Variants in PRKG1 observed in about 807,000 individuals in gnomAD.
PRKG1 encodes the protein protein kinase cGMP-dependent 1.
Under a neutral mutation model 88.1 loss-of-function variants are expected in PRKG1, and 35 were observed. The ratio of observed to expected loss-of-function variants is 0.40; its 90% CI spans 0.30 to 0.53. The LOEUF (loss-of-function observed/expected upper bound fraction) is 0.53, where lower values mean the gene tolerates loss of function less well. PRKG1 is among the 20% of genes least tolerant of loss of function. PRKG1 has a pLI of 0.59. For synonymous variants in PRKG1, 303 were observed against 292.5 expected, an observed-to-expected ratio of 1.04 and a Z score of -0.37; for missense variants, 540 against 839.8, an observed-to-expected ratio of 0.64 and a Z score of 4.41.
At chr10:51,800,470 GA>G (rs1839141702) in intron 3 of PRKG1, among the ~76,000 whole-genome samples, 1 of 152,040 alleles carries the variant, frequency 6.6e-6, no homozygotes, top group Admixed American at 6.6e-5. Context: ...CTACAGTTGG[GA>G]AAAATCATGT....
intron 9 of PRKG1, among the ~76,000 whole-genome samples, chr10:52,247,849 G>C (rs922395155): frequency 1.3e-5 from 2 of 152,090 alleles, no homozygotes; most frequent in African/African-American, 4.8e-5. Flanking sequence ...AATTAAAGAC[G>C]CACACACAGA....
At chr10:52,101,532 T>C (rs1847293202) in intron 7 of PRKG1, among the ~76,000 whole-genome samples, 1 of 152,190 alleles carries the variant, frequency 6.6e-6, no homozygotes, top group Non-Finnish European at 1.5e-5. Context: ...TTTCCAGGAA[T>C]ACAGGGCACT....
chr10:51,483,946 G>A (rs1840446901), intron 3 of PRKG1, among the ~76,000 whole-genome samples: 1 of 152,138 alleles, frequency 6.6e-6, no homozygotes. Flanking sequence ...AATAATCTAA[G>A]CAAATTCATA....
chr10:51,457,389 A>T (rs1839614462), intron 2 of PRKG1, among the ~76,000 whole-genome samples: 1 of 152,128 alleles, frequency 6.6e-6, no homozygotes, highest in Non-Finnish European at 1.5e-5. Context: ...GGACACAAAG[A>T]CATAAGAATG....
Position 51,153,233 on chromosome 10 carries a change from C to T in PRKG1, c.381C>T (p.Ile127=). The part of the protein sequence containing the change: ...DFMKNLELSQ[I]QEIVDCMYPV... Reference sequence around the variant, plus strand: ...TGAAGAACTTGGAGCTGTCGCAGATCCAGGAGATTGTGGATTGTATGTACC... The same window carrying T: ...TGAAGAACTTGGAGCTGTCGCAGATTCAGGAGATTGTGGATTGTATGTACC... Residue 127 remains isoleucine (I), a synonymous_variant, in exon 2 of 18, where the codon ATC becomes ATT. Transcript: ENST00000373980. 6.2e-7 allele frequency: 1 copy of T among 1,612,476 alleles called. No individual in the cohort carries two copies. Among genetic ancestry groups the T allele is most frequent in the Non-Finnish European group, 8.5e-7 (1 of 1,178,970 alleles).
At chr10:51,922,849 G>A (rs779413719) in intron 5 of PRKG1, among the ~76,000 whole-genome samples, 2 of 151,944 alleles carry the variant, frequency 1.3e-5, no homozygotes, top group African/African-American at 2.4e-5. Context: ...ATGTAAACCT[G>A]AATAAAATGT....
chr10:51,265,460 C>T (rs534371040), intron 2 of PRKG1, among the ~76,000 whole-genome samples: 1 of 152,234 alleles, frequency 6.6e-6, no homozygotes, highest in Non-Finnish European at 1.5e-5. Context: ...TAATGGGAAT[C>T]TCTTATTTTA....
intron 7 of PRKG1, among the ~76,000 whole-genome samples, chr10:52,095,309 T>C (rs1480435333): frequency 6.6e-6 from 1 of 151,644 alleles, no homozygotes; most frequent in Non-Finnish European, 1.5e-5. Flanking sequence ...CAATGAGAAC[T>C]ACTCTGACAC....
At chr10:52,131,165 G>A (rs997894036) in intron 7 of PRKG1, among the ~76,000 whole-genome samples, 1 of 152,140 alleles carries the variant, frequency 6.6e-6, no homozygotes, top group Non-Finnish European at 1.5e-5. Flanking sequence ...ATGGATGTCT[G>A]TGCCATAACT....
At chr10:51,107,662 A>G (rs1041778917) in intron 1 of PRKG1, among the ~76,000 whole-genome samples, 5 of 151,842 alleles carry the variant, frequency 3.3e-5, no homozygotes, top group African/African-American at 9.7e-5. Context: ...CATATCTACA[A>G]AAAACTGAAA....
At chr10:52,245,747 CATTT>C (rs1411603956) in intron 9 of PRKG1, among the ~76,000 whole-genome samples, 2 of 144,232 alleles carry the variant, frequency 1.4e-5, no homozygotes, top group Non-Finnish European at 3.0e-5. Flanking sequence ...ATGTTAACAC[CATTT>C]TATTTATTTA....
intron 9 of PRKG1, among the ~76,000 whole-genome samples, chr10:52,239,848 A>C (rs1329497130): frequency 6.6e-6 from 1 of 152,154 alleles, no homozygotes; most frequent in Non-Finnish European, 1.5e-5. Context: ...AAAAGACAAG[A>C]CATTGAGTTG....
chr10:51,737,268 A>C (rs1837304162), intron 3 of PRKG1, among the ~76,000 whole-genome samples: 1 of 152,144 alleles, frequency 6.6e-6, no homozygotes, highest in Non-Finnish European at 1.5e-5. Flanking sequence ...CTACTGCTTC[A>C]CATGCCCACT....
At chr10:51,476,450 G>A (rs1260681530) in intron 3 of PRKG1, among the ~76,000 whole-genome samples, 1 of 152,052 alleles carries the variant, frequency 6.6e-6, no homozygotes, top group Admixed American at 6.6e-5. Flanking sequence ...AGGAGAAACA[G>A]TCTGCCTCAT....
At chr10:51,304,540 AGTTACATATGTATACATGT>A (rs746499786) in intron 2 of PRKG1, among the ~76,000 whole-genome samples, 130 of 151,656 alleles carry the variant, frequency 8.6e-4, no homozygotes, top group Non-Finnish European at 1.7e-3. Context: ...TGTGCAGGTT[AGTTACATATGTATACATGT>A]GCCATGCTGC....
intron 17 of PRKG1, among the ~76,000 whole-genome samples, chr10:52,292,963 G>C (rs2132467753): frequency 6.6e-6 from 1 of 152,248 alleles, no homozygotes; most frequent in South Asian, 2.1e-4. Flanking sequence ...AAAAGAGGAA[G>C]TCAAATTGTC....
chr10:52,169,706 C>A (rs778777937), intron 9 of PRKG1, among the ~76,000 whole-genome samples: 1 of 152,118 alleles, frequency 6.6e-6, no homozygotes, highest in African/African-American at 2.4e-5. Flanking sequence ...GGATGGAGCC[C>A]GCCTTGCAAA....
rs114783075 is a variant in PRKG1, at chr10:52,140,835, C to T, written c.1001+6930C>T. Among the ~76,000 whole-genome samples the T allele has an allele frequency of 9.5e-4, 144 of 152,190 alleles. 1 individual carries two copies. The highest frequency in any genetic ancestry group is 3.4e-3 in the African/African-American group (140 of 41,534). On this transcript the variant is annotated intron_variant, in intron 8 of 17. Coordinates refer to ENST00000373980, the MANE Select transcript of PRKG1 (RefSeq NM_006258.4). The stretch of plus-strand genomic sequence containing the variant: ...CCAATGGTGATTTGCCCACCGAGGT[C>T]ACCTGTATTCTTCTTCTTATATAGC...
At chr10:51,162,176 G>C (rs1466285367) in intron 2 of PRKG1, among the ~76,000 whole-genome samples, 1 of 152,206 alleles carries the variant, frequency 6.6e-6, no homozygotes, top group Non-Finnish European at 1.5e-5. Context: ...GGGCAGGACA[G>C]ATAGGAGCCA....
Sources: allele counts gnomAD v4.1 joint callset (sites outside exome capture counted in the v4.1 genomes callset), GRCh38; gene constraint gnomAD v4.1.1; transcripts MANE v1.5; gene names NCBI Gene and HGNC (gene_info 2026-07-23, HGNC 2026-07-21).